Variants in SENP7 observed in about 807,000 individuals in gnomAD.
The protein encoded by SENP7 is sentrin-specific protease 7.
In SENP7, 64 loss-of-function variants were observed where a neutral mutation model predicts 141.2. The observed-to-expected ratio is 0.45, with a 90% confidence interval of 0.37 to 0.56. The LOEUF (loss-of-function observed/expected upper bound fraction) is 0.56, where lower values mean the gene tolerates loss of function less well. SENP7 is among the 20% of genes least tolerant of loss of function. The probability of loss-of-function intolerance (pLI) is 0.00; values close to 1 mark genes in which losing one functional copy is unlikely to be tolerated. For missense variants in SENP7, 1,025 were observed against 1,212.2 expected, an observed-to-expected ratio of 0.85 and a Z score of 2.29; for synonymous variants, 382 against 426.4, an observed-to-expected ratio of 0.90 and a Z score of 1.28.
At chr3:101,463,375 A>ATATATG (rs2063627949) in intron 3 of SENP7, among the ~76,000 whole-genome samples, 3 of 86,732 alleles carry the variant, frequency 3.5e-5, no homozygotes, top group Admixed American at 1.2e-4. Context: ...ATATATATAT[A>ATATATG]TATATATATA....
intron 4 of SENP7, among the ~76,000 whole-genome samples, chr3:101,442,417 C>G (rs1427030839): frequency 1.3e-5 from 2 of 152,144 alleles, no homozygotes; most frequent in East Asian, 1.9e-4. Flanking sequence ...CCTGCATGCA[C>G]AGTTCACAAT....
intron 5 of SENP7, among the ~76,000 whole-genome samples, chr3:101,407,754 A>C (rs920157610): frequency 6.6e-6 from 1 of 152,196 alleles, no homozygotes; most frequent in Non-Finnish European, 1.5e-5. Context: ...ATAGTGACAC[A>C]ACCTATCAAA....
rs143265103 is a variant in SENP7, at chr3:101,506,019, A to ATTTTTTTTTTTTTTTT, written c.41-4901_41-4900insAAAAAAAAAAAAAAAA. ...CCACTCATTCACTTATTTATTCCAT[A>ATTTTTTTTTTTTTTTT]ATTTTTTTTTTTTTTTTTTGAGACG... On this transcript the variant is annotated intron_variant, in intron 1 of 23. Transcript: ENST00000394095. Among the ~76,000 whole-genome samples the ATTTTTTTTTTTTTTTT allele has an allele frequency of 1.4e-5, 2 of 142,126 alleles. 1 individual carries two copies. 93.2% of individuals were successfully genotyped at this position (142,126 alleles called of 152,430 possible). A position where few individuals can be genotyped will look rare whatever the true frequency, so the allele number is the denominator to read the frequency against.
At chr3:101,409,927 A>G (rs2061407197) in intron 5 of SENP7, among the ~76,000 whole-genome samples, 1 of 152,224 alleles carries the variant, frequency 6.6e-6, no homozygotes, top group Non-Finnish European at 1.5e-5. Context: ...AAACAAAGTT[A>G]AATTGCTCGG....
chr3:101,343,773 A>T lies in SENP7; in HGVS notation c.2019T>A (p.Ser673=). Reference sequence around the variant, plus strand: ...TTGAAACACAGTAATAATGAATAAAAGAACTTTCTTTTGAAGAGAGGTTCT... The same window carrying T: ...TTGAAACACAGTAATAATGAATAAATGAACTTTCTTTTGAAGAGAGGTTCT... ...LFQNLSSKES[S]FIHYYCVSTC... The change falls in exon 14 of 24, where the codon TCT becomes TCA. Residue 673 remains serine, a synonymous_variant. Transcript: ENST00000394095. 1 of 1,613,976 alleles carries T rather than the reference A, an allele frequency of 6.2e-7. No individual in the cohort carries two copies. The highest frequency in any genetic ancestry group is 1.3e-5 in the African/African-American group (1 of 75,046).
chr3:101,362,824 C>G (rs961265278), intron 10 of SENP7, among the ~76,000 whole-genome samples: 2 of 152,176 alleles, frequency 1.3e-5, no homozygotes, highest in Non-Finnish European at 2.9e-5. Context: ...CATATCACTT[C>G]CACTCAAGTG....
chr3:101,427,938 C>A (rs2062020106), intron 4 of SENP7, among the ~76,000 whole-genome samples: 1 of 149,824 alleles, frequency 6.7e-6, no homozygotes, highest in South Asian at 2.2e-4. Context: ...TGAGTGAGAA[C>A]ATGCAGTGTT....
At chr3:101,350,531 AGAGT>A (rs1218520100) in intron 12 of SENP7, among the ~76,000 whole-genome samples, 1 of 152,082 alleles carries the variant, frequency 6.6e-6, no homozygotes, top group Non-Finnish European at 1.5e-5. Context: ...ATCACTGAAG[AGAGT>A]ATTTTTCCAC....
At chr3:101,401,900 C>T (rs2061154491) in intron 5 of SENP7, among the ~76,000 whole-genome samples, 1 of 151,366 alleles carries the variant, frequency 6.6e-6, no homozygotes, top group African/African-American at 2.4e-5. Flanking sequence ...GAGAGGATCA[C>T]TTTAGCCTGG....
chr3:101,431,025 T>C (rs551052555), intron 4 of SENP7, among the ~76,000 whole-genome samples: 41 of 152,378 alleles, frequency 2.7e-4, no homozygotes, highest in Non-Finnish European at 5.1e-4. Flanking sequence ...TCTAATTTGA[T>C]TGAACTGTGG....
chr3:101,468,943 C>A (rs1013315309), intron 3 of SENP7, among the ~76,000 whole-genome samples: 1 of 152,078 alleles, frequency 6.6e-6, no homozygotes, highest in Non-Finnish European at 1.5e-5. Context: ...TGGGAAGACC[C>A]ATTAGTGTGC....
At chr3:101,383,723 G>A (rs1219539344) in intron 6 of SENP7, among the ~76,000 whole-genome samples, 2 of 152,224 alleles carry the variant, frequency 1.3e-5, no homozygotes, top group African/African-American at 4.8e-5. Flanking sequence ...AATGAGCACA[G>A]GAGGGAAGGG....
chr3:101,493,781 C>T (rs1284488194), intron 3 of SENP7, 92 bp downstream of exon 3: 5 of 719,098 alleles, frequency 7.0e-6, no homozygotes, highest in Non-Finnish European at 8.8e-6. Context: ...AAAAAAGGGA[C>T]ATATCAGAAA....
At chr3:101,380,758 CTG>C (rs1174282851) in intron 6 of SENP7, among the ~76,000 whole-genome samples, 1 of 151,540 alleles carries the variant, frequency 6.6e-6, no homozygotes. Context: ...TAAATGTAGA[CTG>C]AATGTAAAAA....
In SENP7 at chr3:101,459,042, C is replaced by T. The variant is rs2063459186; in HGVS notation, c.197G>A (p.Ser66Asn). The T allele has an allele frequency of 6.3e-7, 1 of 1,578,276 alleles. No individual in the cohort carries two copies. Among genetic ancestry groups the T allele is most frequent in the Non-Finnish European group, 8.6e-7 (1 of 1,159,874 alleles). The change falls in exon 4 of 24, where the codon AGC (serine) becomes AAC (asparagine). Residue 66 changes from serine to asparagine, a missense_variant. By Grantham distance (46) the Ser-to-Asn change is conservative. Transcript: ENST00000394095. ...TAGAGAGATGACTTTATTCCTTAGG[C>T]TTCTTTCCCACTAGGAAAAAAAAAA... ...RWTLPLQWER[S>N]LRNKVISLDH...
chr3:101,336,007 G>T (rs2059175584), intron 17 of SENP7, among the ~76,000 whole-genome samples: 1 of 152,290 alleles, frequency 6.6e-6, no homozygotes, highest in East Asian at 1.9e-4. Context: ...CGCACTCGTT[G>T]TCTAGTGTAC....
Position 101,337,513 on chromosome 3 carries a change from G to C in SENP7, c.2476C>G (p.Leu826Val), listed in dbSNP as rs367731792. The change falls in exon 17 of 24, where the codon CTT becomes GTT. Residue 826 changes from leucine (L) to valine (V), a missense_variant. Physicochemically the swap from Leu to Val is conservative, Grantham distance 32. This residue lies in a region of SENP7 where 295 missense variants were observed against 459.1 expected (regional missense o/e 0.64). Coordinates refer to ENST00000394095, the MANE Select transcript of SENP7 (RefSeq NM_020654.5). Reference protein sequence around the residue: ...ENNLTEDNPNLSMAQRRHKRV... With the variant: ...ENNLTEDNPNVSMAQRRHKRV... ...TACATTAGAGGATTAACTTACGAAA[G>C]ATTTGGATTATCTTCTGTTAAATTA... is the stretch of plus-strand genomic sequence containing the variant. 11 of 1,526,150 alleles carry C rather than the reference G, an allele frequency of 7.2e-6. No homozygotes were observed. The highest frequency in any genetic ancestry group is 1.8e-5 in the Admixed American group (1 of 55,940). 94.5% of individuals were successfully genotyped at this position (1,526,150 alleles called of 1,614,324 possible).
chr3:101,336,280 C>G (rs923608817), intron 17 of SENP7, among the ~76,000 whole-genome samples: 1 of 152,192 alleles, frequency 6.6e-6, no homozygotes, highest in Non-Finnish European at 1.5e-5. Flanking sequence ...TATTCCTACC[C>G]TCTTTCTCCA....
At chr3:101,360,783 G>GTA (rs2059875158) in intron 11 of SENP7, among the ~76,000 whole-genome samples, 1 of 152,226 alleles carries the variant, frequency 6.6e-6, no homozygotes, top group Non-Finnish European at 1.5e-5. Flanking sequence ...TGTTATAAGT[G>GTA]TATAGCAAAG....
Sources: gnomAD v4.1 joint callset for allele counts (sites outside exome capture counted in the v4.1 genomes callset) on GRCh38, gnomAD v4.1.1 for gene constraint, gnomAD v4.1.1 regional missense constraint, MANE v1.5 for transcripts, NCBI Gene and HGNC (gene_info 2026-07-23, HGNC 2026-07-21) for gene names.